PCBP3: variants seen among roughly 807,000 people sequenced by gnomAD.
PCBP3 encodes poly(rC) binding protein 3.
A neutral mutation model predicts 52.7 loss-of-function variants in PCBP3; 25 were observed. The observed-to-expected ratio is 0.47, with a 90% CI of 0.35 to 0.66. The LOEUF (loss-of-function observed/expected upper bound fraction) is 0.66, where lower values mean the gene tolerates loss of function less well. PCBP3 is among the 30% of genes least tolerant of loss of function. PCBP3 has a pLI of 0.01. For synonymous variants in PCBP3, 162 were observed against 183.0 expected, an observed-to-expected ratio of 0.89 and a Z score of 0.93; for missense variants, 391 against 490.3, an observed-to-expected ratio of 0.80 and a Z score of 1.91.
chr21:45,756,533 T>C (rs1323236259), intron 4 of PCBP3, among the ~76,000 whole-genome samples: 2 of 152,228 alleles, frequency 1.3e-5, no homozygotes, highest in Non-Finnish European at 2.9e-5. Flanking sequence ...AGAATATGCA[T>C]GTTTTTAAAA....
intron 5 of PCBP3, among the ~76,000 whole-genome samples, chr21:45,875,060 C>T (rs115913203): frequency 5.9e-5 from 9 of 152,252 alleles, no homozygotes; most frequent in Non-Finnish European, 1.0e-4. Context: ...TCACTGAGCC[C>T]GAGCAGCGCG....
intron 2 of PCBP3, among the ~76,000 whole-genome samples, chr21:45,719,978 C>A (rs2084506611): frequency 6.6e-6 from 1 of 152,130 alleles, no homozygotes; most frequent in Admixed American, 6.5e-5. Context: ...CAGAGATAAG[C>A]CAGCAGGACA....
intron 5 of PCBP3, among the ~76,000 whole-genome samples, chr21:45,854,890 TAAG>T (rs772651593): frequency 6.6e-6 from 1 of 152,134 alleles, no homozygotes; most frequent in Non-Finnish European, 1.5e-5. Flanking sequence ...GTCTGAGAAG[TAAG>T]TAGCAGGAGT....
intron 13 of PCBP3, among the ~76,000 whole-genome samples, chr21:45,919,730 GC>G (rs1329859529): frequency 6.6e-6 from 1 of 152,238 alleles, no homozygotes; most frequent in African/African-American, 2.4e-5. Flanking sequence ...CCACTAGGAA[GC>G]CGGGCTGTGG....
At chr21:45,683,603 C>T (rs2081977247) in intron 2 of PCBP3, among the ~76,000 whole-genome samples, 1 of 152,100 alleles carries the variant, frequency 6.6e-6, no homozygotes, top group Admixed American at 6.5e-5. Flanking sequence ...GACACTATAC[C>T]TTGAAGAAGT....
At chr21:45,867,485 A>G (rs1486647167) in intron 5 of PCBP3, among the ~76,000 whole-genome samples, 2 of 151,560 alleles carry the variant, frequency 1.3e-5, no homozygotes, top group African/African-American at 4.9e-5. Flanking sequence ...TGCTACCCGC[A>G]TTCACCGCAC....
At chr21:45,931,561 G>T (rs1436310395) in intron 15 of PCBP3, among the ~76,000 whole-genome samples, 1 of 152,216 alleles carries the variant, frequency 6.6e-6, no homozygotes, top group Non-Finnish European at 1.5e-5. Context: ...TTGGACTGCA[G>T]GTTGGGGCAG....
chr21:45,770,157 C>T (rs1216960357), intron 4 of PCBP3, among the ~76,000 whole-genome samples: 2 of 152,198 alleles, frequency 1.3e-5, no homozygotes, highest in Admixed American at 6.5e-5. Context: ...CCCTGAACTC[C>T]GCCGAAGGGG....
At position 45,837,453 on chromosome 21, in the gene PCBP3, A is replaced by G. The variant is rs116091421; in HGVS notation, c.-125-12508A>G. 0.019 allele frequency among the ~76,000 whole-genome samples: 2,912 copies of G among 152,274 alleles called. 94 individuals carry two copies. Among genetic ancestry groups the G allele is most frequent in the African/African-American group, 0.067 (2,772 of 41,538 alleles). On this transcript the variant is annotated intron_variant, in intron 4 of 17. Transcript: ENST00000681687. The surrounding 1 kb of genome is among the most constrained non-coding windows in gnomAD (Gnocchi z 4.1). Reference sequence around the variant, plus strand: ...GGAGCCTAGGGATGGCGCTGTGAGAACAGGCCACGGCGCCCTAGCTTCAGG... The same window carrying G: ...GGAGCCTAGGGATGGCGCTGTGAGAGCAGGCCACGGCGCCCTAGCTTCAGG...
intron 5 of PCBP3, among the ~76,000 whole-genome samples, chr21:45,894,636 G>A (rs149808039): frequency 1.6e-3 from 239 of 152,340 alleles, no homozygotes; most frequent in African/African-American, 5.5e-3. Flanking sequence ...AGAGCTGTCC[G>A]CGCTGCCAGA....
At chr21:45,717,508 T>C (rs1170734678) in intron 2 of PCBP3, among the ~76,000 whole-genome samples, 1 of 152,176 alleles carries the variant, frequency 6.6e-6, no homozygotes, top group Non-Finnish European at 1.5e-5. Context: ...AAAGCTTCCT[T>C]TTATTCCTAG....
At chr21:45,932,962 A>T (rs574993595) in intron 15 of PCBP3, among the ~76,000 whole-genome samples, 1 of 152,232 alleles carries the variant, frequency 6.6e-6, no homozygotes, top group East Asian at 1.9e-4. Context: ...TCCTGAGATG[A>T]GTGAACACCT....
In PCBP3 at chr21:45,891,852, C is replaced by T. The variant is rs190239724; in HGVS notation, c.11-4356C>T. On this transcript the variant is annotated intron_variant, in intron 5 of 17. Coordinates refer to ENST00000681687, the MANE Select transcript of PCBP3 (RefSeq NM_001384156.1). ...CCCGGCCCCTTCTCCTGCACAGCCC[C>T]GGGGCCTCTGCGCCCCTTTGACCTC... Among the ~76,000 whole-genome samples the T allele has an allele frequency of 3.8e-3, 578 of 152,318 alleles. 5 individuals carry two copies. Among genetic ancestry groups the T allele is most frequent in the African/African-American group, 0.013 (559 of 41,552 alleles).
chr21:45,870,150 T>G (rs1243027067), intron 5 of PCBP3, among the ~76,000 whole-genome samples: 1 of 152,222 alleles, frequency 6.6e-6, no homozygotes, highest in African/African-American at 2.4e-5. Context: ...CTCATTTTAT[T>G]CCCTTTAAAG....
rs752522466 is a variant in PCBP3, at chr21:45,917,760, C to T, written c.717+131C>T. ...TAATCAACTTCTCAGCGTTCCTGAC[C>T]TGTGTCGTATCCATATGACCTCGAA... On this transcript the variant is annotated intron_variant, in intron 13 of 17. Transcript: ENST00000681687. The surrounding 1 kb of genome is among the most constrained non-coding windows in gnomAD (Gnocchi z 5.3). 4 of 809,128 alleles carry T rather than the reference C, an allele frequency of 4.9e-6. No homozygotes were observed. Among genetic ancestry groups the T allele is most frequent in the Non-Finnish European group, 8.6e-6 (4 of 464,056 alleles). 50.1% of individuals were successfully genotyped at this position (809,128 alleles called of 1,614,324 possible).
chr21:45,721,012 G>A (rs2084593797), intron 2 of PCBP3, among the ~76,000 whole-genome samples: 1 of 152,234 alleles, frequency 6.6e-6, no homozygotes, highest in African/African-American at 2.4e-5. Context: ...ATGTTTGAAG[G>A]TACCTTGCTT....
intron 4 of PCBP3, among the ~76,000 whole-genome samples, chr21:45,757,506 A>G (rs1406068056): frequency 1.3e-5 from 2 of 152,144 alleles, no homozygotes; most frequent in East Asian, 3.8e-4. Context: ...GTACCTTTTG[A>G]CAAACAAAAG....
At chr21:45,686,212 CT>C (rs1377833724) in intron 2 of PCBP3, among the ~76,000 whole-genome samples, 5 of 152,162 alleles carry the variant, frequency 3.3e-5, no homozygotes, top group African/African-American at 1.2e-4. Context: ...ACCACCGTGC[CT>C]GGCCTAAGAT....
intron 2 of PCBP3, among the ~76,000 whole-genome samples, chr21:45,717,620 TATG>T (rs1331504051): frequency 1.3e-5 from 2 of 152,258 alleles, no homozygotes; most frequent in Non-Finnish European, 2.9e-5. Flanking sequence ...ATTCCATTAA[TATG>T]ATGTATTGCA....
Sources: allele counts gnomAD v4.1 joint callset (sites outside exome capture counted in the v4.1 genomes callset), GRCh38; gene constraint gnomAD v4.1.1; non-coding constraint Gnocchi (gnomAD v3.1); transcripts MANE v1.5; gene names NCBI Gene and HGNC (gene_info 2026-07-23, HGNC 2026-07-21).